Variants in PTGFR observed in about 807,000 individuals in gnomAD.
PTGFR encodes prostaglandin F2-alpha receptor.
Under a neutral mutation model 26.2 loss-of-function variants are expected in PTGFR, and 15 were observed. That is an observed-to-expected ratio of 0.57 (90% CI 0.38 to 0.88). PTGFR has a LOEUF of 0.88. Among genes scored for constraint, PTGFR ranks in the 40% least tolerant of loss-of-function variants. The pLI is 0.00. For missense variants in PTGFR, 369 were observed against 427.2 expected, an observed-to-expected ratio of 0.86 and a Z score of 1.20; for synonymous variants, 165 against 151.1, an observed-to-expected ratio of 1.09 and a Z score of -0.68.
chr1:78,522,898 G>A (rs1175886914), intron 2 of PTGFR, among the ~76,000 whole-genome samples: 1 of 151,910 alleles, frequency 6.6e-6, no homozygotes, highest in African/African-American at 2.4e-5. Flanking sequence ...AATATTAGTG[G>A]TACCTATGTC....
intron 2 of PTGFR, among the ~76,000 whole-genome samples, chr1:78,496,388 G>A (rs760262965): frequency 3.3e-5 from 5 of 152,114 alleles, no homozygotes; most frequent in Non-Finnish European, 7.4e-5. Context: ...CAAGCTTTTA[G>A]ATTCCCATAG....
intron 2 of PTGFR, among the ~76,000 whole-genome samples, chr1:78,500,436 T>C (rs779406481): frequency 1.3e-5 from 2 of 152,244 alleles, no homozygotes; most frequent in Non-Finnish European, 2.9e-5. Context: ...TGTGTCCCTG[T>C]CTCTTGGGGT....
At chr1:78,523,436 G>A (rs1650294127) in intron 2 of PTGFR, among the ~76,000 whole-genome samples, 1 of 151,988 alleles carries the variant, frequency 6.6e-6, no homozygotes, top group Non-Finnish European at 1.5e-5. Flanking sequence ...TGGGACAGTG[G>A]AAGAAAAAGG....
chr1:78,536,745 T>C lies in PTGFR; in HGVS notation c.*58T>C, dbSNP rs1650667560. 6.6e-7 allele frequency: 1 copy of C among 1,522,322 alleles called. No individual in the cohort carries two copies. Among genetic ancestry groups the C allele is most frequent in the Admixed American group, 2.0e-5 (1 of 49,188 alleles). 94.3% of individuals were successfully genotyped at this position (1,522,322 alleles called of 1,614,324 possible). On this transcript the variant is annotated 3_prime_UTR_variant, in exon 3 of 3. Transcript: ENST00000370757. ...AACAAAATTAAGACATGTTTGGCAA[T>C]ATTTCAGTTAGTTAAATACCTGTAG...
rs1253547658 is a variant in PTGFR, at chr1:78,516,435, A to T, written c.799-19971A>T. On this transcript the variant is annotated intron_variant, in intron 2 of 2. Transcript: ENST00000370757. ...ACACAAAGACATGAAGATGGTTGTG[A>T]TATGTAGAGAAAAGTAAACCTTAAA... 2.0e-5 allele frequency among the ~76,000 whole-genome samples: 3 copies of T among 152,324 alleles called. No individual in the cohort carries two copies. In the East Asian group the frequency reaches 5.8e-4, roughly 29 times the overall value.
rs540858992 is a variant in PTGFR, at chr1:78,512,758, A to G, written c.798+19217A>G. ...AGCATTAGAGGTGGGGCCTGGTGAG[A>G]GGTGACAGAATCATGGAGGCAGATT... On this transcript the variant is annotated intron_variant, in intron 2 of 2. Coordinates refer to ENST00000370757, the MANE Select transcript of PTGFR (RefSeq NM_000959.4). 2.2e-4 allele frequency among the ~76,000 whole-genome samples: 33 copies of G among 152,184 alleles called. 1 individual carries two copies. The South Asian group carries it at 6.2e-3, about 29-fold the overall frequency.
intron 2 of PTGFR, among the ~76,000 whole-genome samples, chr1:78,499,045 T>C (rs1649631642): frequency 6.6e-6 from 1 of 152,124 alleles, no homozygotes; most frequent in East Asian, 1.9e-4. Flanking sequence ...CAGGCAGCTT[T>C]CTCACATTGG....
chr1:78,514,970 G>T (rs374786161), intron 2 of PTGFR, among the ~76,000 whole-genome samples: 1 of 151,962 alleles, frequency 6.6e-6, no homozygotes, highest in Non-Finnish European at 1.5e-5. Flanking sequence ...AGATGCCAGC[G>T]CCATGCTTCC....
rs189591857 is a variant in PTGFR at position 78,514,595 on chromosome 1, A to G, written c.798+21054A>G. ...GACTTTCGAGTTAATGCTTTGGAGG[A>G]CTATTGCGAAGGCTTGACTGTATTT... On this transcript the variant is annotated intron_variant, in intron 2 of 2. Coordinates refer to ENST00000370757, the MANE Select transcript of PTGFR (RefSeq NM_000959.4). 1.2e-3 allele frequency among the ~76,000 whole-genome samples: 179 copies of G among 152,084 alleles called. 1 individual carries two copies. Among genetic ancestry groups the G allele is most frequent in the African/African-American group, 3.9e-3 (162 of 41,522 alleles).
intron 2 of PTGFR, among the ~76,000 whole-genome samples, chr1:78,494,116 G>C (rs1372790302): frequency 6.6e-6 from 1 of 152,244 alleles, no homozygotes; most frequent in East Asian, 1.9e-4. Flanking sequence ...AGGAAGGCCA[G>C]AGATTCCTCC....
intron 2 of PTGFR, among the ~76,000 whole-genome samples, chr1:78,497,103 C>T (rs1649572050): frequency 1.3e-5 from 2 of 152,060 alleles, no homozygotes; most frequent in Admixed American, 1.3e-4. Context: ...TAAATTAAAA[C>T]ATTTAATGTG....
At chr1:78,531,435 C>T (rs1474055891) in intron 2 of PTGFR, among the ~76,000 whole-genome samples, 1 of 152,016 alleles carries the variant, frequency 6.6e-6, no homozygotes, top group East Asian at 1.9e-4. Flanking sequence ...TCAATTGTGG[C>T]CCTTCCTTAA....
intron 2 of PTGFR, among the ~76,000 whole-genome samples, chr1:78,503,051 G>A (rs750389038): frequency 1.3e-5 from 2 of 152,090 alleles, no homozygotes; most frequent in Non-Finnish European, 2.9e-5. Flanking sequence ...GTCAATTAAT[G>A]TAAGCTGTAA....
chr1:78,494,120 T>G (rs1649486168), intron 2 of PTGFR, among the ~76,000 whole-genome samples: 1 of 152,248 alleles, frequency 6.6e-6, no homozygotes. Flanking sequence ...AGGCCAGAGA[T>G]TCCTCCCTTT....
At chr1:78,512,171 T>G (rs1423175687) in intron 2 of PTGFR, among the ~76,000 whole-genome samples, 1 of 152,206 alleles carries the variant, frequency 6.6e-6, no homozygotes, top group Non-Finnish European at 1.5e-5. Context: ...TTTTGAGCCC[T>G]CCAAACTCTT....
Position 78,491,072 on chromosome 1 carries a change from G to A in PTGFR, c.-237G>A, listed in dbSNP as rs1203252326. Reference sequence around the variant, plus strand: ...CGCAGTTTCCGCGCTAAGGGAACGAGTGCGCGGAGGGGACGAGCGGCTGGA... The same window carrying A: ...CGCAGTTTCCGCGCTAAGGGAACGAATGCGCGGAGGGGACGAGCGGCTGGA... On this transcript the variant is annotated 5_prime_UTR_variant, in exon 1 of 3. In the 5' UTR this introduces an upstream ATG that the reference lacks. Transcript: ENST00000370757. 1.3e-5 allele frequency: 2 copies of A among 152,286 alleles called. No homozygotes were observed. The highest frequency in any genetic ancestry group is 4.8e-5 in the African/African-American group (2 of 41,472). The allele number at this position is 152,286 out of a possible 1,614,324, so 9.4% of individuals were successfully genotyped here.
intron 2 of PTGFR, among the ~76,000 whole-genome samples, chr1:78,522,306 T>A (rs1274419921): frequency 6.6e-6 from 1 of 152,032 alleles, no homozygotes; most frequent in Non-Finnish European, 1.5e-5. Flanking sequence ...AAGGGACTCA[T>A]GTGATTAAAT....
Position 78,496,447 on chromosome 1 carries a change from A to G in PTGFR, c.798+2906A>G, listed in dbSNP as rs3766349. ...CCAGGTCAATGCCCTATTTCATACC[A>G]TGTGCCTTTTCTCTCTGATTAACTG... On this transcript the variant is annotated intron_variant, in intron 2 of 2. Transcript: ENST00000370757. Among the ~76,000 whole-genome samples the G allele has an allele frequency of 2.2e-3, 332 of 152,272 alleles. 7 individuals carry two copies. The East Asian group carries it at 0.051, about 23-fold the overall frequency.
chr1:78,494,767 G>A (rs1212693986), intron 2 of PTGFR, among the ~76,000 whole-genome samples: 1 of 152,082 alleles, frequency 6.6e-6, no homozygotes, highest in Admixed American at 6.6e-5. Context: ...CACCAAACCC[G>A]GCTAATTTTT....
Sources: allele counts gnomAD v4.1 joint callset (sites outside exome capture counted in the v4.1 genomes callset), GRCh38; gene constraint gnomAD v4.1.1; transcripts MANE v1.5; gene names NCBI Gene and HGNC (gene_info 2026-07-23, HGNC 2026-07-21).